CLUAP1: variants seen among roughly 807,000 people sequenced by gnomAD.
CLUAP1 encodes clusterin-associated protein 1.
CLUAP1 carries 50 observed loss-of-function variants against 55.0 expected under a neutral mutation model. That is an observed-to-expected ratio of 0.91 (90% CI 0.72 to 1.15). The LOEUF (loss-of-function observed/expected upper bound fraction) is 1.15, where lower values mean the gene tolerates loss of function less well. Among genes scored for constraint, CLUAP1 ranks in the 50% most tolerant of loss-of-function variants. The pLI, the probability that CLUAP1 is intolerant of heterozygous loss-of-function variation, is 0.00. For synonymous variants in CLUAP1, 195 were observed against 175.4 expected (o/e 1.11, Z -0.88); for missense variants, 530 against 507.6 (o/e 1.04, Z -0.42).
intron 10 of CLUAP1, among the ~76,000 whole-genome samples, chr16:3,532,530 TC>T (rs1257906055): frequency 6.8e-6 from 1 of 146,644 alleles, no homozygotes; most frequent in East Asian, 2.1e-4. Flanking sequence ...GTCTCCTGCC[TC>T]AGCCTCCCGA....
In CLUAP1 at chr16:3,521,515, A is replaced by G. The variant is rs183074869; in HGVS notation, c.713+1479A>G. On this transcript the variant is annotated intron_variant, in intron 7 of 11. Transcript: ENST00000576634. ...AATGGCGCGATCCCGGCTCACTGCA[A>G]ACTCTGCCTCCCGGATTCAAGCGAT... Among the ~76,000 whole-genome samples the G allele has an allele frequency of 6.5e-3, 988 of 151,710 alleles. 8 individuals are homozygous for G. Among genetic ancestry groups the G allele is most frequent in the Non-Finnish European group, 0.01 (690 of 67,922 alleles).
At position 3,506,430 on chromosome 16, in the gene CLUAP1, A is replaced by G. The variant is rs2037507770; in HGVS notation, c.219+15A>G. The G allele has an allele frequency of 6.3e-7, 1 of 1,592,030 alleles. No individual in the cohort carries two copies. The highest frequency in any genetic ancestry group is 8.6e-7 in the Non-Finnish European group (1 of 1,160,136). On this transcript the variant is annotated intron_variant, in intron 3 of 11. Transcript: ENST00000576634. ...CCCAGTTCATGGTTAGTGGACACTTATTTTGTGGAGTTGTAAAATTAAATA... is the reference window on the plus strand; with the variant it reads ...CCCAGTTCATGGTTAGTGGACACTTGTTTTGTGGAGTTGTAAAATTAAATA...
chr16:3,508,232 G>C (rs2037546285), intron 3 of CLUAP1, 57 bp from the exon 4 acceptor site: 3 of 1,497,072 alleles, frequency 2.0e-6, no homozygotes, highest in Non-Finnish European at 1.8e-6. Context: ...ATGGGATTTA[G>C]TTTAGACATT....
intron 4 of CLUAP1, among the ~76,000 whole-genome samples, chr16:3,509,690 A>G (rs893192576): frequency 6.6e-6 from 1 of 152,244 alleles, no homozygotes; most frequent in African/African-American, 2.4e-5. Flanking sequence ...GTGGCCACGC[A>G]GGGTACGTGA....
chr16:3,497,435 C>T (rs967026036), upstream of CLUAP1, among the ~76,000 whole-genome samples: 32 of 152,154 alleles, frequency 2.1e-4, no homozygotes, highest in African/African-American at 7.2e-4. Flanking sequence ...AATTGGAAAG[C>T]ATCACATGTT....
intron 1 of CLUAP1, among the ~76,000 whole-genome samples, chr16:3,503,380 G>A (rs1353414101): frequency 6.6e-6 from 1 of 152,292 alleles, no homozygotes. Context: ...AGCCAGGATG[G>A]TCTCAATCTC....
At chr16:3,511,514 G>C (rs1013456851) in intron 4 of CLUAP1, among the ~76,000 whole-genome samples, 9 of 152,206 alleles carry the variant, frequency 5.9e-5, no homozygotes, top group African/African-American at 2.2e-4. Flanking sequence ...GAAAGTCTGA[G>C]GCAGAGAAGG....
At chr16:3,502,701 C>T (rs1346023644) in intron 1 of CLUAP1, among the ~76,000 whole-genome samples, 10 of 152,144 alleles carry the variant, frequency 6.6e-5, no homozygotes, top group African/African-American at 2.4e-4. Context: ...GGTGGCCACA[C>T]ATCATGCAGG....
At chr16:3,527,978 C>A (rs142946772) in intron 9 of CLUAP1, among the ~76,000 whole-genome samples, 1 of 152,318 alleles carries the variant, frequency 6.6e-6, no homozygotes, top group South Asian at 2.1e-4. Context: ...TCAGTCTCCA[C>A]GTCTTCGTGG....
In CLUAP1 at chr16:3,534,413, C is replaced by T. The variant is rs189501484; in HGVS notation, c.1092+1572C>T. 1.2e-3 allele frequency: 184 copies of T among 152,628 alleles called. 1 individual carries two copies. Among genetic ancestry groups the T allele is most frequent in the Admixed American group, 2.8e-3 (42 of 15,246 alleles). The allele number at this position is 152,628 out of a possible 1,614,324, so 9.5% of individuals were successfully genotyped here. On this transcript the variant is annotated intron_variant, in intron 11 of 11. Transcript: ENST00000576634. ...CAGCTGGTGTGATTGTGGGTGAGTG[C>T]GAGAGGCAGCAGGGGCCATGCAGAG...
chr16:3,506,303 T>C (rs765308789), intron 2 of CLUAP1, 28 bp from the exon 3 acceptor site: 3 of 1,574,996 alleles, frequency 1.9e-6, no homozygotes, highest in East Asian at 2.2e-5. Flanking sequence ...GGTTAACCCG[T>C]GCTCTCTCCT....
intron 6 of CLUAP1, among the ~76,000 whole-genome samples, chr16:3,515,894 C>G (rs2037721171): frequency 6.6e-6 from 1 of 152,032 alleles, no homozygotes; most frequent in Non-Finnish European, 1.5e-5. Context: ...TAACCAATTC[C>G]TCACTGCTTA....
chr16:3,507,223 T>C (rs1455360951), intron 3 of CLUAP1, among the ~76,000 whole-genome samples: 1 of 151,716 alleles, frequency 6.6e-6, no homozygotes, highest in East Asian at 1.9e-4. Context: ...ATTTTATTTA[T>C]TTATTTTTGA....
upstream of CLUAP1, among the ~76,000 whole-genome samples, chr16:3,499,561 T>C (rs2037349929): frequency 6.6e-6 from 1 of 152,264 alleles, no homozygotes; most frequent in Non-Finnish European, 1.5e-5. Flanking sequence ...ATTTGCATAT[T>C]AGCCATCCAT....
Position 3,523,280 on chromosome 16 carries a change from T to A in CLUAP1, c.836T>A (p.Met279Lys). Reference protein sequence around the residue: ...LEQQLEDHHRMEQERFEEAKN... With the variant: ...LEQQLEDHHRKEQERFEEAKN... ...CAACAGCTTGAAGACCATCATAGGA[T>A]GGAGCAAGAAAGGTTTGAGGTGAGC... is the stretch of plus-strand genomic sequence containing the variant. The change falls in exon 8 of 12, where the codon ATG (methionine) becomes AAG (lysine). Residue 279 changes from methionine to lysine, a missense_variant. Coordinates refer to ENST00000576634, the MANE Select transcript of CLUAP1 (RefSeq NM_015041.3). The A allele has an allele frequency of 6.2e-7, 1 of 1,612,978 alleles. No homozygotes were observed.
intron 10 of CLUAP1, among the ~76,000 whole-genome samples, chr16:3,532,093 C>T: frequency 6.6e-6 from 1 of 152,108 alleles, no homozygotes; most frequent in South Asian, 2.1e-4. Flanking sequence ...CCCGCCTCGG[C>T]CTCCCAAAGT....
chr16:3,528,171 C>T (rs953738945), intron 9 of CLUAP1, among the ~76,000 whole-genome samples: 3 of 152,174 alleles, frequency 2.0e-5, no homozygotes, highest in Non-Finnish European at 4.4e-5. Flanking sequence ...GATCTTCCTG[C>T]TGAATTGATG....
chr16:3,500,365 CAT>C (rs1491367106), upstream of CLUAP1, among the ~76,000 whole-genome samples: 1 of 140,264 alleles, frequency 7.1e-6, no homozygotes, highest in African/African-American at 2.7e-5. Flanking sequence ...GAGTATAGTG[CAT>C]TTTTTTTTTT....
chr16:3,496,868 C>CTTTT, upstream of CLUAP1: 1 of 264,778 alleles, frequency 3.8e-6, no homozygotes, highest in Non-Finnish European at 7.4e-6. Context: ...TTCTTTTTTT[C>CTTTT]TTTTCTTTTT....
Sources: gnomAD v4.1 joint callset for allele counts (sites outside exome capture counted in the v4.1 genomes callset) on GRCh38, gnomAD v4.1.1 for gene constraint, MANE v1.5 for transcripts, NCBI Gene and HGNC (gene_info 2026-07-23, HGNC 2026-07-21) for gene names.